The following ENPP6 variants were observed in gnomAD, a reference collection of about 807,000 sequenced individuals.
ENPP6 encodes the protein ectonucleotide pyrophosphatase/phosphodiesterase 6.
Under a neutral mutation model 42.0 loss-of-function variants are expected in ENPP6, and 32 were observed. That is an observed-to-expected ratio of 0.76 (90% CI 0.58 to 1.02). The LOEUF (loss-of-function observed/expected upper bound fraction) is 1.02. ENPP6 is among the 50% of genes least tolerant of loss of function. The pLI, the probability that ENPP6 is intolerant of heterozygous loss-of-function variation, is 0.00. For synonymous variants in ENPP6, 213 were observed against 216.0 expected (o/e 0.99, Z 0.12); for missense variants, 552 against 566.8 (o/e 0.97, Z 0.27).
At chr4:184,146,200 G>A (rs1222438649) in intron 2 of ENPP6, among the ~76,000 whole-genome samples, 1 of 151,820 alleles carries the variant, frequency 6.6e-6, no homozygotes, top group African/African-American at 2.4e-5. Context: ...TGAGAGGCTG[G>A]GAGGAGTGGA....
chr4:184,117,984 G>A, intron 3 of ENPP6, 84 bp from the exon 4 acceptor site: 1 of 1,500,352 alleles, frequency 6.7e-7, no homozygotes, highest in East Asian at 2.4e-5. Context: ...CTCTCTGAAG[G>A]TGTTCACGCC....
chr4:184,210,207 T>A (rs1733085267), intron 1 of ENPP6, among the ~76,000 whole-genome samples: 1 of 148,204 alleles, frequency 6.7e-6, no homozygotes, highest in Admixed American at 6.7e-5. Context: ...GCTAACATCA[T>A]AATGACAGGA....
intron 3 of ENPP6, among the ~76,000 whole-genome samples, chr4:184,119,375 C>T (rs1265044023): frequency 2.7e-5 from 4 of 148,814 alleles, no homozygotes; most frequent in Non-Finnish European, 5.9e-5. Context: ...GTCTCATTTA[C>T]TCCTTATAAG....
rs1736322482 is a variant in ENPP6, at chr4:184,116,854, G to A, written c.855+2C>T. On this transcript the variant is annotated splice_donor_variant, in intron 5 of 7. Transcript: ENST00000296741. LOFTEE classifies it low-confidence loss of function (GC_TO_GT_DONOR). ...CCTCCGCCCCCCACGGGTCTGTCTTGCCTCAGAGTGTTTCCCAGGGGCCGG... is the reference window on the plus strand; with the variant it reads ...CCTCCGCCCCCCACGGGTCTGTCTTACCTCAGAGTGTTTCCCAGGGGCCGG... The A allele has an allele frequency of 6.2e-7, 1 of 1,613,258 alleles. No homozygotes were observed. The highest frequency in any genetic ancestry group is 1.3e-5 in the African/African-American group (1 of 75,040).
intron 1 of ENPP6, among the ~76,000 whole-genome samples, chr4:184,175,543 C>T (rs1173577495): frequency 6.6e-6 from 1 of 152,132 alleles, no homozygotes; most frequent in Non-Finnish European, 1.5e-5. Flanking sequence ...AGAGTGGGGG[C>T]ATTTTATCAC....
chr4:184,173,546 A>G (rs1278715212), intron 1 of ENPP6, among the ~76,000 whole-genome samples: 1 of 152,176 alleles, frequency 6.6e-6, no homozygotes, highest in Non-Finnish European at 1.5e-5. Context: ...GGTGCCCAGA[A>G]TTTTGCTCTG....
chr4:184,093,825 T>C (rs77116912), intron 7 of ENPP6, among the ~76,000 whole-genome samples: 64,967 of 151,854 alleles, frequency 0.43, 14,232 homozygotes, highest in East Asian at 0.62. Context: ...TCCAGTGGAA[T>C]GGTTGTTCCA....
At chr4:184,113,903 CTTTCTTTCTTTCTT>C (rs1467956257) in intron 5 of ENPP6, among the ~76,000 whole-genome samples, 2 of 60,892 alleles carry the variant, frequency 3.3e-5, no homozygotes, top group African/African-American at 1.2e-4. Context: ...TCTTTCTTTT[CTTTCTTTCTTTCTT>C]TCTTTCTTTC....
intron 2 of ENPP6, among the ~76,000 whole-genome samples, chr4:184,146,159 G>A (rs565108538): frequency 4.9e-4 from 74 of 152,008 alleles, no homozygotes; most frequent in African/African-American, 1.6e-3. Context: ...ACGGCCAGGC[G>A]CAGTGGCTCA....
chr4:184,201,433 C>T (rs1235689417), intron 1 of ENPP6, among the ~76,000 whole-genome samples: 2 of 152,104 alleles, frequency 1.3e-5, no homozygotes, highest in African/African-American at 4.8e-5. Context: ...GTTGTGAGAT[C>T]GCCATGGTGT....
At chr4:184,106,633 A>T (rs1039582110) in intron 6 of ENPP6, among the ~76,000 whole-genome samples, 1 of 151,902 alleles carries the variant, frequency 6.6e-6, no homozygotes, top group African/African-American at 2.4e-5. Flanking sequence ...CCCCTCATCT[A>T]TATCGGTCTC....
In ENPP6 at chr4:184,146,559, G is replaced by T. The variant is rs1269939958; in HGVS notation, c.421+6995C>A. On this transcript the variant is annotated intron_variant, in intron 2 of 7. Transcript: ENST00000296741. ...ATAATGTTAAAGAAATGAAATAGCC[G>T]CAAAGTCCAGAGCTGGCCGGGGTGC... 4.6e-5 allele frequency among the ~76,000 whole-genome samples: 7 copies of T among 152,300 alleles called. No homozygotes were observed. The East Asian group carries it at 1.2e-3, about 25-fold the overall frequency.
At chr4:184,158,770 A>G (rs758935569) in intron 1 of ENPP6, among the ~76,000 whole-genome samples, 1 of 152,154 alleles carries the variant, frequency 6.6e-6, no homozygotes, top group African/African-American at 2.4e-5. Context: ...GGGTTCTTTA[A>G]TGTGAAGTTT....
intron 1 of ENPP6, among the ~76,000 whole-genome samples, chr4:184,175,294 G>A (rs912301586): frequency 5.3e-5 from 8 of 152,058 alleles, no homozygotes; most frequent in South Asian, 2.1e-4. Flanking sequence ...GCCAAGATCC[G>A]CTCCCCTTAA....
intron 2 of ENPP6, among the ~76,000 whole-genome samples, chr4:184,137,800 A>G (rs539316857): frequency 6.6e-6 from 1 of 152,092 alleles, no homozygotes; most frequent in South Asian, 2.1e-4. Flanking sequence ...CTTTCCCCTA[A>G]CCAATAGTGC....
At chr4:184,134,436 A>G (rs966379049) in intron 2 of ENPP6, among the ~76,000 whole-genome samples, 1 of 152,132 alleles carries the variant, frequency 6.6e-6, no homozygotes, top group African/African-American at 2.4e-5. Context: ...GAAGTATTCC[A>G]ATTTTCTATT....
intron 1 of ENPP6, among the ~76,000 whole-genome samples, chr4:184,158,626 C>G (rs1455435944): frequency 6.6e-6 from 1 of 152,160 alleles, no homozygotes. Context: ...TGCTTGGCTT[C>G]TTCTTCTAGA....
chr4:184,172,245 C>T (rs760640289), intron 1 of ENPP6, among the ~76,000 whole-genome samples: 7 of 152,054 alleles, frequency 4.6e-5, no homozygotes, highest in African/African-American at 7.2e-5. Flanking sequence ...AAAATGCAGG[C>T]GGGTCTTCCT....
chr4:184,137,342 C>G lies in ENPP6; in HGVS notation c.422-13070G>C, dbSNP rs113444500. Among the ~76,000 whole-genome samples the G allele has an allele frequency of 8.8e-3, 1,348 of 152,350 alleles. 21 individuals carry two copies. Among genetic ancestry groups the G allele is most frequent in the African/African-American group, 0.03 (1,239 of 41,586 alleles). On this transcript the variant is annotated intron_variant, in intron 2 of 7. Coordinates refer to ENST00000296741, the MANE Select transcript of ENPP6 (RefSeq NM_153343.4). ...GAACACCTTACCTCAAGCAATCCAC[C>G]TGCCTCAGCCTCCCAGAGTGCTGGG... is the stretch of plus-strand genomic sequence containing the variant.
Sources: allele counts gnomAD v4.1 joint callset (sites outside exome capture counted in the v4.1 genomes callset), GRCh38; gene constraint gnomAD v4.1.1; transcripts MANE v1.5; gene names NCBI Gene and HGNC (gene_info 2026-07-23, HGNC 2026-07-21).